Variants in GSE1 observed in about 807,000 individuals in gnomAD.
GSE1 encodes genetic suppressor element 1.
In GSE1, 32 loss-of-function variants were observed where a neutral mutation model predicts 112.6. The observed-to-expected ratio is 0.28, with a 90% confidence interval of 0.21 to 0.38. The LOEUF is 0.38. GSE1 is among the 10% of genes least tolerant of loss of function. GSE1 has a pLI of 1.00. For synonymous variants in GSE1, 1,115 were observed against 735.6 expected (o/e 1.52, Z -8.35); for missense variants, 2,348 against 1,699.2 (o/e 1.38, Z -6.71).
chr16:85,581,122 G>C (rs1031729301), intron 1 of GSE1, among the ~76,000 whole-genome samples: 1 of 152,188 alleles, frequency 6.6e-6, no homozygotes, highest in African/African-American at 2.4e-5. Context: ...TTGGTGAGGT[G>C]ATCAGCCTGT....
intron 1 of GSE1, among the ~76,000 whole-genome samples, chr16:85,596,653 A>G (rs1011958278): frequency 2.6e-5 from 4 of 152,328 alleles, no homozygotes; most frequent in Non-Finnish European, 2.9e-5. Context: ...TCTAGAATTC[A>G]GTTCCTTTGT....
At chr16:85,206,561 G>C (rs986445581) in intron 1 of GSE1, among the ~76,000 whole-genome samples, 6 of 152,242 alleles carry the variant, frequency 3.9e-5, no homozygotes, top group Admixed American at 3.9e-4. Flanking sequence ...CTGCAAGCCA[G>C]GTGGGGCTTG....
intron 2 of GSE1, among the ~76,000 whole-genome samples, chr16:85,636,071 C>T (rs1480668071): frequency 6.6e-6 from 1 of 152,258 alleles, no homozygotes; most frequent in African/African-American, 2.4e-5. Context: ...CAAAGTGCCG[C>T]TGGGCGCCCC....
At chr16:85,475,476 A>C (rs1278254032) in intron 2 of GSE1, among the ~76,000 whole-genome samples, 1 of 152,260 alleles carries the variant, frequency 6.6e-6, no homozygotes, top group African/African-American at 2.4e-5. Flanking sequence ...CAGCCTGGCC[A>C]TGCCGAGGTG....
intron 1 of GSE1, among the ~76,000 whole-genome samples, chr16:85,260,592 G>A (rs142792140): frequency 4.6e-5 from 7 of 152,164 alleles, no homozygotes; most frequent in Non-Finnish European, 8.8e-5. Flanking sequence ...CAAAGTGCTG[G>A]GATTATAGGC....
intron 2 of GSE1, among the ~76,000 whole-genome samples, chr16:85,444,823 C>A (rs1266868280): frequency 6.6e-6 from 1 of 152,160 alleles, no homozygotes; most frequent in Non-Finnish European, 1.5e-5. Context: ...TCCGCCCCCT[C>A]CAGCCTCCAA....
At chr16:85,177,603 C>T (rs1471244641) in intron 1 of GSE1, among the ~76,000 whole-genome samples, 1 of 152,196 alleles carries the variant, frequency 6.6e-6, no homozygotes. Context: ...CGTGGTGTCT[C>T]ATTCTGCCAT....
intron 2 of GSE1, among the ~76,000 whole-genome samples, chr16:85,454,137 A>C (rs1462146841): frequency 5.3e-5 from 8 of 152,216 alleles, no homozygotes; most frequent in Admixed American, 4.6e-4. Flanking sequence ...CCTGCTTTCC[A>C]GTAAAAATAA....
In GSE1 at chr16:85,494,474, A is replaced by T. The variant is rs1174971596; in HGVS notation, c.2464+136831A>T. ...TCACCTTTTTTTTTTTTTTTCCAAGACAGGGTCTCACTCTGTTGCCCAGGC... is the reference window on the plus strand; with the variant it reads ...TCACCTTTTTTTTTTTTTTTCCAAGTCAGGGTCTCACTCTGTTGCCCAGGC... On this transcript the variant is annotated intron_variant, in intron 2 of 2. Coordinates refer to the GSE1 transcript ENST00000637419. 2.7e-5 allele frequency among the ~76,000 whole-genome samples: 4 copies of T among 147,668 alleles called. No individual in the cohort carries two copies. The East Asian group carries it at 5.9e-4, about 22-fold the overall frequency.
At chr16:85,538,327 G>A in intron 2 of GSE1, among the ~76,000 whole-genome samples, 1 of 152,236 alleles carries the variant, frequency 6.6e-6, no homozygotes, top group East Asian at 1.9e-4. Flanking sequence ...GGGAGAGACG[G>A]AAGCTTTTCT....
At chr16:85,243,913 A>G (rs1312201044) in intron 1 of GSE1, among the ~76,000 whole-genome samples, 5 of 152,164 alleles carry the variant, frequency 3.3e-5, no homozygotes, top group African/African-American at 1.2e-4. Flanking sequence ...GATCACCTGA[A>G]GTCAGGAGTT....
At chr16:85,172,064 C>T (rs753285785) in intron 1 of GSE1, among the ~76,000 whole-genome samples, 1 of 152,164 alleles carries the variant, frequency 6.6e-6, no homozygotes, top group African/African-American at 2.4e-5. Context: ...GAATAGGGCA[C>T]TGCTGAGAAC....
intron 2 of GSE1, among the ~76,000 whole-genome samples, chr16:85,378,827 G>T (rs1257082960): frequency 6.6e-6 from 1 of 152,154 alleles, no homozygotes; most frequent in Non-Finnish European, 1.5e-5. Context: ...GTGCTGCTCT[G>T]CAGTCTCCTC....
At chr16:85,552,155 A>G (rs2044947727), upstream of GSE1, among the ~76,000 whole-genome samples, 1 of 151,756 alleles carries the variant, frequency 6.6e-6, no homozygotes, top group Non-Finnish European at 1.5e-5. Context: ...CCTCCCCAGA[A>G]GCTGGGACTA....
At chr16:85,511,528 CA>C (rs71151298) in intron 2 of GSE1, among the ~76,000 whole-genome samples, 9,483 of 114,878 alleles carry the variant, frequency 0.083, 315 homozygotes, top group Non-Finnish European at 0.087. Context: ...AACTCCATCT[CA>C]AAAAAAAAAA....
intron 2 of GSE1, among the ~76,000 whole-genome samples, chr16:85,421,144 G>A (rs113554383): frequency 9.2e-5 from 14 of 152,366 alleles, no homozygotes; most frequent in Middle Eastern, 3.4e-3. Context: ...GAAAGTGTGT[G>A]TTAAACCAAG....
At chr16:85,458,069 G>T (rs2049879664) in intron 2 of GSE1, among the ~76,000 whole-genome samples, 1 of 152,174 alleles carries the variant, frequency 6.6e-6, no homozygotes, top group South Asian at 2.1e-4. Flanking sequence ...GAGGTGCTCA[G>T]GTGTGATCTG....
In GSE1 at chr16:85,654,776, C is replaced by T. The variant is rs766634796; in HGVS notation, c.600-18C>T. The T allele has an allele frequency of 3.2e-5, 51 of 1,579,404 alleles. 1 individual carries two copies. In the South Asian group the frequency reaches 5.1e-4, roughly 16 times the overall value. ...TGCACTCACCTGTCCCCACCTTGCC[C>T]ACTATCCCCGCCTGCAGCCTCCAGC... On this transcript the variant is annotated intron_variant, in intron 4 of 15. Coordinates refer to ENST00000253458, the MANE Select transcript of GSE1 (RefSeq NM_014615.5).
chr16:85,640,567 C>A (rs1316190759), intron 2 of GSE1, among the ~76,000 whole-genome samples: 2 of 152,164 alleles, frequency 1.3e-5, no homozygotes, highest in Non-Finnish European at 2.9e-5. Flanking sequence ...CACCTGAAAC[C>A]GAGATCCCAC....
Sources: gnomAD v4.1 joint callset for allele counts (sites outside exome capture counted in the v4.1 genomes callset) on GRCh38, gnomAD v4.1.1 for gene constraint, MANE v1.5 for transcripts, NCBI Gene and HGNC (gene_info 2026-07-23, HGNC 2026-07-21) for gene names.